CTNNA3: variants seen among roughly 807,000 people sequenced by gnomAD.
CTNNA3 encodes the protein catenin alpha 3.
CTNNA3 carries 76 observed loss-of-function variants against 95.7 expected under a neutral mutation model. The observed-to-expected ratio is 0.79, with a 90% CI of 0.66 to 0.96. The LOEUF (loss-of-function observed/expected upper bound fraction) is 0.96, where lower values mean the gene tolerates loss of function less well. Ranked by LOEUF, CTNNA3 falls within the 40% of genes least tolerant of loss-of-function variation. CTNNA3 has a pLI of 0.00. For missense variants in CTNNA3, 1,191 were observed against 1,089.8 expected (o/e 1.09, Z -1.31); for synonymous variants, 431 against 374.4 (o/e 1.15, Z -1.74).
At chr10:67,393,517 G>A (rs556346854) in intron 5 of CTNNA3, among the ~76,000 whole-genome samples, 1 of 152,140 alleles carries the variant, frequency 6.6e-6, no homozygotes, top group South Asian at 2.1e-4. Context: ...ATGGGTCAAG[G>A]AATCAAAAGG....
intron 5 of CTNNA3, among the ~76,000 whole-genome samples, chr10:67,266,918 G>A (rs184768595): frequency 6.6e-6 from 1 of 152,062 alleles, no homozygotes; most frequent in Non-Finnish European, 1.5e-5. Flanking sequence ...CAAATTCTAT[G>A]CTATAAATGT....
At chr10:66,114,545 G>T (rs1346025818) in intron 13 of CTNNA3, among the ~76,000 whole-genome samples, 2 of 151,356 alleles carry the variant, frequency 1.3e-5, no homozygotes, top group Non-Finnish European at 2.9e-5. Flanking sequence ...AACTCATATT[G>T]TCCGTGTATG....
intron 10 of CTNNA3, among the ~76,000 whole-genome samples, chr10:66,571,861 G>C (rs1006511000): frequency 4.6e-5 from 7 of 152,044 alleles, no homozygotes; most frequent in Non-Finnish European, 8.8e-5. Flanking sequence ...TGAAGCCGCC[G>C]AGGCACAATG....
chr10:67,492,116 G>A (rs931032920), intron 5 of CTNNA3, among the ~76,000 whole-genome samples: 1 of 152,000 alleles, frequency 6.6e-6, no homozygotes, highest in African/African-American at 2.4e-5. Context: ...AGAGTATACA[G>A]AGGGTGTAGG....
At chr10:66,115,632 T>TAGAGAC (rs1589446044) in intron 13 of CTNNA3, among the ~76,000 whole-genome samples, 1 of 148,182 alleles carries the variant, frequency 6.7e-6, no homozygotes, top group East Asian at 1.9e-4. Context: ...GAGATAGAGA[T>TAGAGAC]AGAGATATAA....
At chr10:66,797,683 C>T (rs1202198033) in intron 7 of CTNNA3, among the ~76,000 whole-genome samples, 1 of 151,934 alleles carries the variant, frequency 6.6e-6, no homozygotes, top group Admixed American at 6.6e-5. Context: ...ATTTTAAAAA[C>T]CGAGGTTGGA....
chr10:67,226,338 G>A (rs146814983), intron 5 of CTNNA3, among the ~76,000 whole-genome samples: 52 of 152,282 alleles, frequency 3.4e-4, no homozygotes, highest in African/African-American at 1.2e-3. Flanking sequence ...AGCCTTGCTA[G>A]AGACCTAGAC....
chr10:66,887,176 T>C (rs1332311177), intron 7 of CTNNA3, among the ~76,000 whole-genome samples: 1 of 152,152 alleles, frequency 6.6e-6, no homozygotes, highest in African/African-American at 2.4e-5. Flanking sequence ...AGTTATACAA[T>C]ATATATTTGC....
chr10:66,422,395 A>C (rs1048808646), intron 11 of CTNNA3, among the ~76,000 whole-genome samples: 1 of 152,154 alleles, frequency 6.6e-6, no homozygotes, highest in Admixed American at 6.6e-5. Context: ...CAGTTTCTCC[A>C]TATCTCTCAC....
chr10:67,438,562 A>T (rs892473843), intron 5 of CTNNA3, among the ~76,000 whole-genome samples: 3 of 152,232 alleles, frequency 2.0e-5, no homozygotes, highest in Non-Finnish European at 4.4e-5. Context: ...CACACAAAAA[A>T]GCACTGACAT....
intron 11 of CTNNA3, among the ~76,000 whole-genome samples, chr10:66,461,171 A>T (rs938434860): frequency 6.6e-6 from 1 of 152,044 alleles, no homozygotes; most frequent in Non-Finnish European, 1.5e-5. Flanking sequence ...TGCTTGCAGG[A>T]TGTGCGCATT....
chr10:66,060,011 T>G (rs2133566969), intron 15 of CTNNA3, among the ~76,000 whole-genome samples: 1 of 152,224 alleles, frequency 6.6e-6, no homozygotes, highest in African/African-American at 2.4e-5. Context: ...TTTGTATTAT[T>G]TATTCAAGGA....
At chr10:66,696,935 T>A (rs1847787678) in intron 9 of CTNNA3, among the ~76,000 whole-genome samples, 1 of 151,812 alleles carries the variant, frequency 6.6e-6, no homozygotes, top group Admixed American at 6.6e-5. Context: ...AAGAAAGAAA[T>A]ACATAAATAA....
intron 5 of CTNNA3, among the ~76,000 whole-genome samples, chr10:67,462,830 C>A (rs1478953734): frequency 6.6e-6 from 1 of 152,118 alleles, no homozygotes; most frequent in Non-Finnish European, 1.5e-5. Context: ...CTCACTAACA[C>A]AGAGTTTTCT....
At chr10:66,106,699 A>G (rs1390405408) in intron 13 of CTNNA3, among the ~76,000 whole-genome samples, 2 of 152,062 alleles carry the variant, frequency 1.3e-5, no homozygotes, top group Admixed American at 1.3e-4. Context: ...CCACTACCTT[A>G]TACCTCATCC....
chr10:67,053,777 G>T lies in CTNNA3; in HGVS notation c.1047+126540C>A, dbSNP rs543135757. On this transcript the variant is annotated intron_variant, in intron 7 of 17. Coordinates refer to ENST00000433211, the MANE Select transcript of CTNNA3 (RefSeq NM_013266.4). ...ACGAATTCTGCTAAAGGAATTGCAA[G>T]ATGGAATTGACTCATTTTCCCATTG... Among the ~76,000 whole-genome samples, 24 of 152,298 alleles carry T rather than the reference G, an allele frequency of 1.6e-4. 1 individual carries two copies. The highest frequency in any genetic ancestry group is 3.5e-4 in the Non-Finnish European group (24 of 68,008).
intron 5 of CTNNA3, among the ~76,000 whole-genome samples, chr10:67,291,591 G>C (rs1839839768): frequency 6.6e-6 from 1 of 152,076 alleles, no homozygotes; most frequent in Non-Finnish European, 1.5e-5. Context: ...CAAATAGTTT[G>C]TTATCTCCTC....
intron 7 of CTNNA3, among the ~76,000 whole-genome samples, chr10:67,105,144 C>T (rs557801726): frequency 1.4e-4 from 21 of 152,022 alleles, no homozygotes; most frequent in African/African-American, 5.1e-4. Flanking sequence ...TTTACAATAA[C>T]ATTTATGCCA....
At chr10:65,933,039 G>C (rs115381029) in intron 17 of CTNNA3, among the ~76,000 whole-genome samples, 1 of 152,028 alleles carries the variant, frequency 6.6e-6, no homozygotes, top group African/African-American at 2.4e-5. Context: ...TAGACTGAAT[G>C]GTGCGTGTAT....
Sources: allele counts gnomAD v4.1 joint callset (sites outside exome capture counted in the v4.1 genomes callset), GRCh38; gene constraint gnomAD v4.1.1; transcripts MANE v1.5; gene names NCBI Gene and HGNC (gene_info 2026-07-23, HGNC 2026-07-21).